The following DAB1 variants were observed in gnomAD, a reference collection of about 807,000 sequenced individuals.
The protein encoded by DAB1 is disabled homolog 1.
A neutral mutation model predicts 64.6 loss-of-function variants in DAB1; 15 were observed. That is an observed-to-expected ratio of 0.23 (90% confidence interval 0.16 to 0.36). The LOEUF is 0.36. Ranked by LOEUF, DAB1 falls within the 10% of genes least tolerant of loss-of-function variation. The pLI is 1.00. For synonymous variants in DAB1, 235 were observed against 251.9 expected (o/e 0.93, Z 0.64); for missense variants, 596 against 706.7 (o/e 0.84, Z 1.78).
intron 5 of DAB1, among the ~76,000 whole-genome samples, chr1:58,139,152 T>C (rs908275851): frequency 1.3e-5 from 2 of 152,106 alleles, no homozygotes; most frequent in Admixed American, 6.5e-5. Context: ...CTCTCACTGT[T>C]CCACCCCGCA....
chr1:58,252,055 T>TATAAATA (rs532801875), intron 4 of DAB1, among the ~76,000 whole-genome samples: 238 of 152,310 alleles, frequency 1.6e-3, no homozygotes, highest in Non-Finnish European at 2.9e-3. Flanking sequence ...AACTGGAAAA[T>TATAAATA]ATAAATAATA....
intron 1 of DAB1, among the ~76,000 whole-genome samples, chr1:57,324,657 C>T (rs754922986): frequency 1.1e-4 from 16 of 152,140 alleles, no homozygotes; most frequent in Non-Finnish European, 1.5e-4. Context: ...GGTTGGACTA[C>T]ACCAACCTTT....
At chr1:58,349,871 G>A (rs969153961) in intron 3 of DAB1, among the ~76,000 whole-genome samples, 4 of 152,148 alleles carry the variant, frequency 2.6e-5, no homozygotes, top group Admixed American at 6.5e-5. Flanking sequence ...TGGGCATTTA[G>A]GTTGGTTCCA....
intron 11 of DAB1, among the ~76,000 whole-genome samples, chr1:57,016,838 G>A (rs868856553): frequency 7.2e-5 from 11 of 152,110 alleles, no homozygotes; most frequent in African/African-American, 1.7e-4. Flanking sequence ...AACACGCCAC[G>A]TACACTAGTA....
At chr1:58,065,625 T>C (rs1250211986) in intron 5 of DAB1, among the ~76,000 whole-genome samples, 2 of 151,106 alleles carry the variant, frequency 1.3e-5, no homozygotes, top group Admixed American at 1.3e-4. Context: ...CAGCGGAGAG[T>C]GCGCAGTGGC....
At chr1:58,434,412 G>A (rs200162220) in intron 3 of DAB1, among the ~76,000 whole-genome samples, 267 of 140,144 alleles carry the variant, frequency 1.9e-3, no homozygotes, top group Middle Eastern at 3.7e-3. Flanking sequence ...ATGAGAAAAA[G>A]AAAAAAAAAA....
intron 7 of DAB1, among the ~76,000 whole-genome samples, chr1:57,636,868 G>A (rs1524707): frequency 0.48 from 73,041 of 152,038 alleles, 18,509 homozygotes; most frequent in East Asian, 0.69. Flanking sequence ...TCTAAGTTCA[G>A]GGAAGTGATA....
intron 4 of DAB1, among the ~76,000 whole-genome samples, chr1:58,336,936 T>C (rs2211324): frequency 0.34 from 51,497 of 151,894 alleles, 9,197 homozygotes; most frequent in African/African-American, 0.45. Context: ...TGCCTAAAAC[T>C]TGGAAAATAA....
At chr1:58,439,707 C>T (rs914888827) in intron 3 of DAB1, among the ~76,000 whole-genome samples, 7 of 152,282 alleles carry the variant, frequency 4.6e-5, no homozygotes, top group African/African-American at 1.7e-4. Context: ...CAGGACCACA[C>T]AGCTAGTAAG....
intron 1 of DAB1, among the ~76,000 whole-genome samples, chr1:57,355,361 C>T (rs914118661): frequency 2.7e-5 from 4 of 150,862 alleles, no homozygotes; most frequent in African/African-American, 9.8e-5. Flanking sequence ...CCTTCCTTCC[C>T]TTCCTTCCTT....
chr1:58,250,546 C>T (rs1418711065), intron 4 of DAB1, among the ~76,000 whole-genome samples: 2 of 152,222 alleles, frequency 1.3e-5, no homozygotes, highest in Non-Finnish European at 2.9e-5. Context: ...TTATACATCA[C>T]TACCGCATTC....
chr1:58,482,626 T>C (rs932114631), intron 3 of DAB1, among the ~76,000 whole-genome samples: 2 of 152,100 alleles, frequency 1.3e-5, no homozygotes, highest in African/African-American at 4.8e-5. Flanking sequence ...GAGGGACTGG[T>C]AAAATCTTAG....
At chr1:58,123,669 A>G (rs1652882919) in intron 5 of DAB1, among the ~76,000 whole-genome samples, 1 of 152,134 alleles carries the variant, frequency 6.6e-6, no homozygotes, top group African/African-American at 2.4e-5. Context: ...TGCCCTTACT[A>G]GCTGTCCGAT....
chr1:57,629,038 G>A (rs750216295), intron 7 of DAB1, among the ~76,000 whole-genome samples: 1 of 152,084 alleles, frequency 6.6e-6, no homozygotes, highest in Non-Finnish European at 1.5e-5. Flanking sequence ...GTTTAAAAGA[G>A]TTCTTACAGT....
intron 3 of DAB1, among the ~76,000 whole-genome samples, chr1:58,353,457 T>C (rs1385936650): frequency 6.6e-6 from 1 of 152,198 alleles, no homozygotes; most frequent in African/African-American, 2.4e-5. Context: ...GCTTTACAGA[T>C]TGTATTAGTC....
chr1:57,450,626 T>A lies in DAB1; in HGVS notation n.626-159460A>T, dbSNP rs1271773518. Among the ~76,000 whole-genome samples, 3 of 152,204 alleles carry A rather than the reference T, an allele frequency of 2.0e-5. No homozygotes were observed. The East Asian group carries it at 5.8e-4, about 29-fold the overall frequency. On this transcript the variant is annotated intron_variant and non_coding_transcript_variant, in intron 7 of 20. Transcript: ENST00000485760. ...AAGGTGTTAATGAGGCAGGCCCACTTTTATACCATCATGGACATCTCGAAT... is the reference window on the plus strand; with the variant it reads ...AAGGTGTTAATGAGGCAGGCCCACTATTATACCATCATGGACATCTCGAAT...
intron 1 of DAB1, among the ~76,000 whole-genome samples, chr1:57,383,197 C>T (rs375182960): frequency 1.6e-4 from 25 of 152,106 alleles, no homozygotes; most frequent in East Asian, 9.7e-4. Context: ...TGAAGTCATT[C>T]GGAAATGACA....
chr1:58,256,329 G>A (rs1243108024), intron 4 of DAB1, among the ~76,000 whole-genome samples: 1 of 152,150 alleles, frequency 6.6e-6, no homozygotes, highest in Non-Finnish European at 1.5e-5. Context: ...GCCTACCCTT[G>A]CAACTACGAG....
At chr1:57,109,115 G>A (rs1655425331) in intron 4 of DAB1, among the ~76,000 whole-genome samples, 1 of 152,188 alleles carries the variant, frequency 6.6e-6, no homozygotes, top group Admixed American at 6.5e-5. Flanking sequence ...CTGATGGACT[G>A]AAATTTGTCT....
Sources: allele counts gnomAD v4.1 joint callset (sites outside exome capture counted in the v4.1 genomes callset), GRCh38; gene constraint gnomAD v4.1.1; transcripts MANE v1.5; gene names NCBI Gene and HGNC (gene_info 2026-07-23, HGNC 2026-07-21).